DAPK1: variants seen among roughly 807,000 people sequenced by gnomAD.
DAPK1 encodes death-associated protein kinase 1.
In DAPK1, 56 loss-of-function variants were observed where a neutral mutation model predicts 144.9. The ratio of observed to expected loss-of-function variants is 0.39; its 90% CI spans 0.31 to 0.48. The LOEUF (loss-of-function observed/expected upper bound fraction) is 0.48. Ranked by LOEUF, DAPK1 falls within the 20% of genes least tolerant of loss-of-function variation. The pLI is 0.95. For missense variants in DAPK1, 1,454 were observed against 1,875.4 expected, an observed-to-expected ratio of 0.78 and a Z score of 4.15; for synonymous variants, 690 against 749.0, an observed-to-expected ratio of 0.92 and a Z score of 1.29.
intron 2 of DAPK1, among the ~76,000 whole-genome samples, chr9:87,560,798 T>TA (rs1466426160): frequency 1.8e-4 from 27 of 151,888 alleles, no homozygotes; most frequent in African/African-American, 6.0e-4. Context: ...CCCGAGTAGC[T>TA]AAGATTATAG....
intron 25 of DAPK1, among the ~76,000 whole-genome samples, chr9:87,705,120 AATAATAG>A (rs1414547761): frequency 4.6e-5 from 7 of 151,988 alleles, no homozygotes; most frequent in African/African-American, 1.5e-4. Context: ...ATAATGGTAT[AATAATAG>A]AATGTTCTGA....
intron 22 of DAPK1, chr9:87,698,344 C>T (rs1275049198): frequency 8.0e-6 from 2 of 250,872 alleles, no homozygotes; most frequent in Admixed American, 5.0e-5. Context: ...CCTTTTGTCA[C>T]AGGTTAAATT....
intron 2 of DAPK1, among the ~76,000 whole-genome samples, chr9:87,577,447 A>G (rs547884033): frequency 4.6e-5 from 7 of 152,274 alleles, no homozygotes; most frequent in African/African-American, 1.4e-4. Flanking sequence ...GTCCCCCCCA[A>G]GAGATACTGA....
chr9:87,501,062 G>A (rs1354452883), intron 2 of DAPK1, among the ~76,000 whole-genome samples: 1 of 152,172 alleles, frequency 6.6e-6, no homozygotes. Flanking sequence ...ATGTAAAATG[G>A]ACATGTAGGA....
intron 2 of DAPK1, among the ~76,000 whole-genome samples, chr9:87,502,457 G>A (rs1824438466): frequency 2.6e-5 from 4 of 152,132 alleles, no homozygotes. Context: ...AATGCCCCAG[G>A]ATGCCCTAGC....
chr9:87,680,383 G>A (rs1354169308), intron 19 of DAPK1, among the ~76,000 whole-genome samples: 1 of 152,226 alleles, frequency 6.6e-6, no homozygotes, highest in Non-Finnish European at 1.5e-5. Flanking sequence ...GGGATTACAG[G>A]CGTGAGCCAC....
chr9:87,550,825 G>A (rs948458032), intron 2 of DAPK1, among the ~76,000 whole-genome samples: 2 of 152,228 alleles, frequency 1.3e-5, no homozygotes, highest in African/African-American at 4.8e-5. Flanking sequence ...AAGCCAAGCT[G>A]TACCAAGCCA....
chr9:87,674,620 G>T (rs1343321030), intron 19 of DAPK1, among the ~76,000 whole-genome samples: 2 of 152,000 alleles, frequency 1.3e-5, no homozygotes, highest in East Asian at 3.9e-4. Flanking sequence ...AACAATTGGG[G>T]AGTTGCCCAG....
At chr9:87,694,664 C>A (rs1244719395) in intron 21 of DAPK1, among the ~76,000 whole-genome samples, 2 of 152,188 alleles carry the variant, frequency 1.3e-5, no homozygotes, top group African/African-American at 4.8e-5. Context: ...TGCACAGCCA[C>A]TACTCTGCTA....
intron 2 of DAPK1, among the ~76,000 whole-genome samples, chr9:87,519,414 C>T (rs776310045): frequency 1.3e-4 from 20 of 152,258 alleles, no homozygotes; most frequent in South Asian, 2.1e-4. Context: ...TGTATTGCCC[C>T]GGTGCTCCAG....
At position 87,706,015 on chromosome 9, in the gene DAPK1, C is replaced by G; in HGVS notation, c.3061-117C>G. 2 of 744,000 alleles carry G rather than the reference C, an allele frequency of 2.7e-6. No individual in the cohort carries two copies. Among genetic ancestry groups the G allele is most frequent in the South Asian group, 3.4e-5 (2 of 58,202 alleles). The allele number at this position is 744,000 out of a possible 1,614,324, so 46.1% of individuals were successfully genotyped here. A position where few individuals can be genotyped will look rare whatever the true frequency, so the allele number is the denominator to read the frequency against. On this transcript the variant is annotated intron_variant, in intron 25 of 25. Coordinates refer to ENST00000408954, the MANE Select transcript of DAPK1 (RefSeq NM_004938.4). The surrounding 1 kb of genome is among the most constrained non-coding windows in gnomAD (Gnocchi z 9.0). Reference sequence around the variant, plus strand: ...CCACGTGGAATGGCCTTGGGTCACTCCTTAGAGCATCTGCTCAGCCTCTGT... The same window carrying G: ...CCACGTGGAATGGCCTTGGGTCACTGCTTAGAGCATCTGCTCAGCCTCTGT...
chr9:87,505,732 C>T (rs1327282072), intron 2 of DAPK1, among the ~76,000 whole-genome samples: 3 of 152,060 alleles, frequency 2.0e-5, no homozygotes, highest in Non-Finnish European at 4.4e-5. Flanking sequence ...CTCTGTTGCC[C>T]AGGCTAGAGT....
At chr9:87,651,439 C>T in intron 16 of DAPK1, 88 bp from the exon 17 acceptor site, 1 of 1,315,280 alleles carries the variant, frequency 7.6e-7, no homozygotes, top group Non-Finnish European at 1.1e-6. Flanking sequence ...GCCAATTAAA[C>T]CTCACTCGAT....
At chr9:87,566,281 A>G (rs1005687564) in intron 2 of DAPK1, among the ~76,000 whole-genome samples, 3 of 152,108 alleles carry the variant, frequency 2.0e-5, no homozygotes, top group Admixed American at 2.0e-4. Context: ...TCGGCCTCCC[A>G]AAGTGCTGGG....
At chr9:87,607,663 A>G (rs1424829184) in intron 3 of DAPK1, among the ~76,000 whole-genome samples, 6 of 152,102 alleles carry the variant, frequency 3.9e-5, no homozygotes, top group African/African-American at 7.2e-5. Context: ...GTGTCATTCT[A>G]TGAAAGTTAA....
intron 2 of DAPK1, among the ~76,000 whole-genome samples, chr9:87,521,776 C>G (rs1481823672): frequency 6.6e-6 from 1 of 152,146 alleles, no homozygotes; most frequent in Non-Finnish European, 1.5e-5. Flanking sequence ...ATATTTATCC[C>G]CTCAAAACTC....
At chr9:87,576,984 C>T (rs1042923933) in intron 2 of DAPK1, among the ~76,000 whole-genome samples, 4 of 152,232 alleles carry the variant, frequency 2.6e-5, no homozygotes, top group Non-Finnish European at 5.9e-5. Context: ...CAGCAACCTG[C>T]AGCTGCCCCA....
intron 18 of DAPK1, among the ~76,000 whole-genome samples, chr9:87,661,271 A>G (rs139436457): frequency 1.4e-3 from 213 of 152,370 alleles, no homozygotes; most frequent in African/African-American, 4.4e-3. Flanking sequence ...TGCAGTGAAC[A>G]TACAAGTGCA....
At chr9:87,551,151 A>AT (rs56092300) in intron 2 of DAPK1, among the ~76,000 whole-genome samples, 223 of 147,884 alleles carry the variant, frequency 1.5e-3, no homozygotes, top group East Asian at 0.015. Flanking sequence ...ATTAATTTGA[A>AT]TTTTTTTTTT....
Sources: allele counts gnomAD v4.1 joint callset (sites outside exome capture counted in the v4.1 genomes callset), GRCh38; gene constraint gnomAD v4.1.1; non-coding constraint Gnocchi (gnomAD v3.1); transcripts MANE v1.5; gene names NCBI Gene and HGNC (gene_info 2026-07-23, HGNC 2026-07-21).